The following CEACAM21 variants were observed in gnomAD, a reference collection of about 807,000 sequenced individuals.
CEACAM21 encodes the protein cell adhesion molecule CEACAM21.
Under a neutral mutation model 33.2 loss-of-function variants are expected in CEACAM21, and 38 were observed. The ratio of observed to expected loss-of-function variants is 1.14; its 90% CI spans 0.88 to 1.50. The LOEUF (loss-of-function observed/expected upper bound fraction) is 1.50. Among genes scored for constraint, CEACAM21 ranks in the 40% most tolerant of loss-of-function variants. The pLI, the probability that CEACAM21 is intolerant of heterozygous loss-of-function variation, is 0.00. For missense variants in CEACAM21, 385 were observed against 364.6 expected (o/e 1.06, Z -0.46); for synonymous variants, 156 against 143.0 (o/e 1.09, Z -0.65).
At chr19:41,586,081 G>A in intron 6 of CEACAM21, 1 of 615,910 alleles carries the variant, frequency 1.6e-6, no homozygotes. Context: ...TCCATCACCT[G>A]AGGAGAGCCC....
chr19:41,566,137 C>A (rs2122190841), intron 2 of CEACAM21, among the ~76,000 whole-genome samples: 1 of 152,256 alleles, frequency 6.6e-6, no homozygotes, highest in African/African-American at 2.4e-5. Context: ...AGAAAATCAA[C>A]CCTAACATAA....
At position 41,581,936 on chromosome 19, in the gene CEACAM21, T is replaced by TC. The variant is rs56867763; in HGVS notation, c.700+2312dup. 1.8e-3 allele frequency among the ~76,000 whole-genome samples: 272 copies of TC among 152,214 alleles called. 3 individuals are homozygous for TC. The highest frequency in any genetic ancestry group is 6.1e-3 in the African/African-American group (255 of 41,526). On this transcript the variant is annotated intron_variant, in intron 3 of 6. Coordinates refer to ENST00000401445, the MANE Select transcript of CEACAM21 (RefSeq NM_001098506.4). ...AAAACTAATCATGCCTTCCAACAGTTCCCCAAAGTCTTAACTCATTCCAGC... is the reference window on the plus strand; with the variant it reads ...AAAACTAATCATGCCTTCCAACAGTTCCCCCAAAGTCTTAACTCATTCCAGC...
At chr19:41,577,806 G>C (rs1460815527) in intron 2 of CEACAM21, among the ~76,000 whole-genome samples, 1 of 152,204 alleles carries the variant, frequency 6.6e-6, no homozygotes, top group Non-Finnish European at 1.5e-5. Flanking sequence ...TGCAGCGGGG[G>C]AAAATCAGTC....
chr19:41,569,895 C>T (rs1422060944), intron 2 of CEACAM21, among the ~76,000 whole-genome samples: 2 of 152,324 alleles, frequency 1.3e-5, no homozygotes, highest in South Asian at 2.1e-4. Flanking sequence ...TCATTCCTGG[C>T]GTCCTCCCAC....
intron 1 of CEACAM21, among the ~76,000 whole-genome samples, chr19:41,554,436 T>A (rs1400766681): frequency 6.6e-6 from 1 of 152,038 alleles, no homozygotes; most frequent in Non-Finnish European, 1.5e-5. Context: ...CAATTATAAT[T>A]ATGACTGATA....
At position 41,577,132 on chromosome 19, in the gene CEACAM21, C is replaced by A. The variant is rs188435741; in HGVS notation, c.65-68C>A. The A allele has an allele frequency of 1.7e-5, 27 of 1,593,542 alleles. No individual in the cohort carries two copies. In the East Asian group the frequency reaches 5.4e-4, roughly 32 times the overall value. ...AGGCTGAGGGGTGAAGAGACCTGCA[C>A]CCAGGACCCCGTCTTTCCATGCCAA... On this transcript the variant is annotated intron_variant, in intron 1 of 6. Coordinates refer to ENST00000401445, the MANE Select transcript of CEACAM21 (RefSeq NM_001098506.4).
chr19:41,582,479 C>T (rs1181667077), intron 3 of CEACAM21, among the ~76,000 whole-genome samples: 1 of 152,254 alleles, frequency 6.6e-6, no homozygotes, highest in Non-Finnish European at 1.5e-5. Flanking sequence ...TTCCCTTCAA[C>T]ACTTCCCTAG....
At chr19:41,560,160 C>A (rs1480672814) in intron 1 of CEACAM21, among the ~76,000 whole-genome samples, 2 of 152,150 alleles carry the variant, frequency 1.3e-5, no homozygotes, top group Non-Finnish European at 2.9e-5. Context: ...CTTACACATA[C>A]TCTCCCAGAA....
At chr19:41,555,723 G>GC (rs2041488492) in intron 1 of CEACAM21, among the ~76,000 whole-genome samples, 2 of 149,158 alleles carry the variant, frequency 1.3e-5, no homozygotes, top group South Asian at 4.1e-4. Flanking sequence ...GCAACAATCA[G>GC]CCCACTTTTA....
At position 41,579,243 on chromosome 19, in the gene CEACAM21, T is replaced by C. The variant is rs782056991; in HGVS notation, c.425-110T>C. 1.9e-6 allele frequency: 3 copies of C among 1,571,552 alleles called. No homozygotes were observed. The Admixed American group carries it at 5.2e-5, about 27-fold the overall frequency. ...CTCTGGTTCTCTCTGCTCCTCCCTGTCCTTCATCTTTCTCCTTTATTCACA... is the reference window on the plus strand; with the variant it reads ...CTCTGGTTCTCTCTGCTCCTCCCTGCCCTTCATCTTTCTCCTTTATTCACA... On this transcript the variant is annotated intron_variant, in intron 2 of 6. Coordinates refer to ENST00000401445, the MANE Select transcript of CEACAM21 (RefSeq NM_001098506.4).
rs767425739 is a variant in CEACAM21 at position 41,577,278 on chromosome 19, G to A, written c.143G>A (p.Gly48Glu). ...TCAGCGCCCTTTGAAGTTGCTGAAG[G>A]GGAGAATGTTCATCTCTCTGTGGTT... ...IASAPFEVAE[G>E]ENVHLSVVYL... is the part of the protein sequence containing the mutation. Residue 48 changes from glycine (G) to glutamate (E), a missense_variant, in exon 2 of 7, where the codon GGG (glycine) becomes GAG (glutamate). Transcript: ENST00000401445. 8 of 1,614,012 alleles carry A rather than the reference G, an allele frequency of 5.0e-6. No individual in the cohort carries two copies. The highest frequency in any genetic ancestry group is 4.2e-6 in the Non-Finnish European group (5 of 1,180,034).
chr19:41,578,369 C>A (rs2043114794), intron 2 of CEACAM21, among the ~76,000 whole-genome samples: 1 of 150,738 alleles, frequency 6.6e-6, no homozygotes, highest in African/African-American at 2.5e-5. Flanking sequence ...CTGTGCCAAG[C>A]TTTAGGTCAG....
At chr19:41,555,053 T>C (rs1475587046) in intron 1 of CEACAM21, 1 of 152,064 alleles carries the variant, frequency 6.6e-6, no homozygotes, top group African/African-American at 2.4e-5. Flanking sequence ...CCACAACTGT[T>C]TGCTCCATCT....
At chr19:41,562,644 C>G (rs782767498) in intron 1 of CEACAM21, among the ~76,000 whole-genome samples, 5 of 151,944 alleles carry the variant, frequency 3.3e-5, no homozygotes, top group Non-Finnish European at 7.4e-5. Flanking sequence ...AAACTACAGC[C>G]AGCCACGCAC....
intron 1 of CEACAM21, among the ~76,000 whole-genome samples, chr19:41,553,372 G>A (rs2041340891): frequency 6.6e-6 from 1 of 152,024 alleles, no homozygotes; most frequent in African/African-American, 2.4e-5. Flanking sequence ...CCAAAGTGCT[G>A]GGATTACAGG....
chr19:41,579,134 G>A (rs1167169835), intron 2 of CEACAM21: 6 of 673,342 alleles, frequency 8.9e-6, no homozygotes, highest in Non-Finnish European at 1.5e-5. Context: ...GGGCTCCCTG[G>A]TCCTGGTCTG....
At chr19:41,561,310 T>TA (rs1197205433) in intron 1 of CEACAM21, among the ~76,000 whole-genome samples, 6 of 151,768 alleles carry the variant, frequency 4.0e-5, no homozygotes, top group Non-Finnish European at 7.4e-5. Flanking sequence ...AAAGTGCAAT[T>TA]AAAAAAAATT....
chr19:41,570,386 C>G (rs782258514), intron 2 of CEACAM21, among the ~76,000 whole-genome samples: 1 of 152,206 alleles, frequency 6.6e-6, no homozygotes, highest in Non-Finnish European at 1.5e-5. Context: ...CCTCTCACTG[C>G]TGCCACCTCT....
chr19:41,555,596 C>T (rs1415243647), intron 1 of CEACAM21: 3 of 151,770 alleles, frequency 2.0e-5, no homozygotes, highest in Non-Finnish European at 4.4e-5. Context: ...TCAAAAATCC[C>T]GAATTTCACA....
Sources: allele counts gnomAD v4.1 joint callset (sites outside exome capture counted in the v4.1 genomes callset), GRCh38; gene constraint gnomAD v4.1.1; transcripts MANE v1.5; gene names NCBI Gene and HGNC (gene_info 2026-07-23, HGNC 2026-07-21).